The following GPC5 variants were observed in gnomAD, a reference collection of about 807,000 sequenced individuals.
GPC5 encodes the protein glypican 5, also known as glypican-5.
GPC5 carries 47 observed loss-of-function variants against 53.9 expected under a neutral mutation model. The observed-to-expected ratio is 0.87, with a 90% CI of 0.69 to 1.11. The LOEUF is 1.11. Ranked by LOEUF, GPC5 falls within the 50% of genes most tolerant of loss-of-function variation. GPC5 has a pLI of 0.00. For missense variants in GPC5, 748 were observed against 713.1 expected (o/e 1.05, Z -0.56); for synonymous variants, 286 against 263.3 (o/e 1.09, Z -0.84).
At chr13:92,717,800 T>C (rs781150824) in intron 7 of GPC5, among the ~76,000 whole-genome samples, 2 of 152,208 alleles carry the variant, frequency 1.3e-5, no homozygotes, top group Non-Finnish European at 2.9e-5. Flanking sequence ...GTGATTTCAT[T>C]TATTGAAATA....
chr13:91,964,486 A>T (rs567510337), intron 6 of GPC5, among the ~76,000 whole-genome samples: 1 of 152,306 alleles, frequency 6.6e-6, no homozygotes, highest in East Asian at 1.9e-4. Context: ...ATCTTTAGCT[A>T]GACACAAAGT....
At chr13:92,762,966 T>C (rs1875247592) in intron 7 of GPC5, among the ~76,000 whole-genome samples, 1 of 152,092 alleles carries the variant, frequency 6.6e-6, no homozygotes, top group Non-Finnish European at 1.5e-5. Flanking sequence ...TTTTTTTTTA[T>C]GATATCCATC....
In GPC5 at chr13:92,090,431, C is replaced by T. The variant is rs190552485; in HGVS notation, c.1402-54399C>T. 1.3e-4 allele frequency among the ~76,000 whole-genome samples: 20 copies of T among 152,088 alleles called. No individual in the cohort carries two copies. In the East Asian group the frequency reaches 3.5e-3, roughly 27 times the overall value. ...GATTAGTAGACTTATAAAAGAGTCCCCAGAGAGACTCCTGCCCCTTTCAAC... is the reference window on the plus strand; with the variant it reads ...GATTAGTAGACTTATAAAAGAGTCCTCAGAGAGACTCCTGCCCCTTTCAAC... On this transcript the variant is annotated intron_variant, in intron 6 of 7. Coordinates refer to ENST00000377067, the MANE Select transcript of GPC5 (RefSeq NM_004466.6).
At chr13:92,834,789 T>C (rs1201525988) in intron 7 of GPC5, among the ~76,000 whole-genome samples, 1 of 152,176 alleles carries the variant, frequency 6.6e-6, no homozygotes, top group East Asian at 1.9e-4. Context: ...GAAAGTGAAG[T>C]GACTATACTG....
chr13:91,496,041 A>AT (rs1884242475), intron 2 of GPC5, among the ~76,000 whole-genome samples: 3 of 151,394 alleles, frequency 2.0e-5, no homozygotes, highest in African/African-American at 7.2e-5. Flanking sequence ...TAAAAAATAA[A>AT]AAATAAATAA....
intron 7 of GPC5, among the ~76,000 whole-genome samples, chr13:92,799,151 T>G (rs1479408769): frequency 6.6e-6 from 1 of 151,772 alleles, no homozygotes; most frequent in Non-Finnish European, 1.5e-5. Flanking sequence ...ATGAGGATAT[T>G]TAGATATTTT....
intron 3 of GPC5, among the ~76,000 whole-genome samples, chr13:91,723,725 C>T (rs1224073712): frequency 6.6e-6 from 1 of 152,160 alleles, no homozygotes; most frequent in Non-Finnish European, 1.5e-5. Context: ...TCTTACCTCA[C>T]CTATTGGAAT....
intron 3 of GPC5, among the ~76,000 whole-genome samples, chr13:91,727,353 T>C (rs2036597790): frequency 6.6e-6 from 1 of 152,154 alleles, no homozygotes. Context: ...TGGGCAAGGA[T>C]CCCACCTCTC....
At chr13:92,674,849 C>T (rs935394986) in intron 7 of GPC5, among the ~76,000 whole-genome samples, 1 of 151,966 alleles carries the variant, frequency 6.6e-6, no homozygotes, top group African/African-American at 2.4e-5. Flanking sequence ...AATTCAGCAT[C>T]ATCACTTTTG....
chr13:92,668,816 G>T (rs1432077444), intron 7 of GPC5, among the ~76,000 whole-genome samples: 1 of 151,858 alleles, frequency 6.6e-6, no homozygotes, highest in Non-Finnish European at 1.5e-5. Flanking sequence ...TATAATTATT[G>T]AGATTAATTT....
intron 7 of GPC5, among the ~76,000 whole-genome samples, chr13:92,723,038 G>A (rs747096985): frequency 1.1e-4 from 16 of 151,552 alleles, no homozygotes; most frequent in Admixed American, 1.3e-4. Flanking sequence ...AGACAGAACC[G>A]GGTTTAAATC....
intron 6 of GPC5, among the ~76,000 whole-genome samples, chr13:92,127,525 A>T (rs1163520352): frequency 6.6e-6 from 1 of 152,204 alleles, no homozygotes; most frequent in Non-Finnish European, 1.5e-5. Context: ...GAGTAGAAAC[A>T]TACATAATGG....
At chr13:91,456,431 C>G (rs1337898441) in intron 2 of GPC5, among the ~76,000 whole-genome samples, 1 of 151,452 alleles carries the variant, frequency 6.6e-6, no homozygotes, top group Non-Finnish European at 1.5e-5. Flanking sequence ...AAAAGAGAAC[C>G]AATTTATCTT....
At chr13:92,328,982 G>T (rs1368975941) in intron 7 of GPC5, among the ~76,000 whole-genome samples, 1 of 152,000 alleles carries the variant, frequency 6.6e-6, no homozygotes, top group East Asian at 1.9e-4. Context: ...CTCCTGATTT[G>T]CTCTCTTCTA....
At chr13:92,055,908 T>C (rs1408625611) in intron 6 of GPC5, among the ~76,000 whole-genome samples, 2 of 152,052 alleles carry the variant, frequency 1.3e-5, no homozygotes, top group Admixed American at 1.3e-4. Context: ...GAATCCCAGA[T>C]GCAATAGTTT....
chr13:92,548,405 G>A (rs1227753173), intron 7 of GPC5, among the ~76,000 whole-genome samples: 1 of 151,044 alleles, frequency 6.6e-6, no homozygotes, highest in East Asian at 1.9e-4. Flanking sequence ...AAATATATAT[G>A]TCAACCAACA....
At chr13:91,409,854 C>T (rs1422179017) in intron 1 of GPC5, among the ~76,000 whole-genome samples, 2 of 152,080 alleles carry the variant, frequency 1.3e-5, no homozygotes, top group Non-Finnish European at 2.9e-5. Context: ...AACCCTTGTC[C>T]ACCTCCCTCC....
chr13:92,839,175 T>G (rs1878333014), intron 7 of GPC5, among the ~76,000 whole-genome samples: 1 of 152,250 alleles, frequency 6.6e-6, no homozygotes, highest in Non-Finnish European at 1.5e-5. Flanking sequence ...AAATTAATAT[T>G]ACAATGTTCA....
At chr13:91,935,430 C>A (rs956890284) in intron 6 of GPC5, among the ~76,000 whole-genome samples, 1 of 151,942 alleles carries the variant, frequency 6.6e-6, no homozygotes, top group Non-Finnish European at 1.5e-5. Flanking sequence ...GTTCCTTCCA[C>A]CATGTGAGGA....
Sources: allele counts gnomAD v4.1 joint callset (sites outside exome capture counted in the v4.1 genomes callset), GRCh38; gene constraint gnomAD v4.1.1; transcripts MANE v1.5; gene names NCBI Gene and HGNC (gene_info 2026-07-23, HGNC 2026-07-21).